The following NTRK2 variants were observed in gnomAD, a reference collection of about 807,000 sequenced individuals.
NTRK2 encodes neurotrophic receptor tyrosine kinase 2, also known as BDNF/NT-3 growth factors receptor.
In NTRK2, 13 loss-of-function variants were observed where a neutral mutation model predicts 94.5. That is an observed-to-expected ratio of 0.14 (90% CI 0.09 to 0.22). The LOEUF (loss-of-function observed/expected upper bound fraction) is 0.22, where lower values mean the gene tolerates loss of function less well. Ranked by LOEUF, NTRK2 falls within the 10% of genes least tolerant of loss-of-function variation. The probability of loss-of-function intolerance (pLI) is 1.00; values close to 1 mark genes in which losing one functional copy is unlikely to be tolerated. For missense variants in NTRK2, 639 were observed against 1,071.2 expected (o/e 0.60, Z 5.63); for synonymous variants, 372 against 407.4 (o/e 0.91, Z 1.05).
Position 84,726,541 on chromosome 9 carries a change from C to A in NTRK2, c.854-1113C>A, listed in dbSNP as rs577710583. On this transcript the variant is annotated intron_variant, in intron 8 of 18. Transcript: ENST00000277120. ...ACAACCAAGATAACCAGTGCAGAGACCCCACTCAGAGGGTTTGTCTGTTCC... is the reference window on the plus strand; with the variant it reads ...ACAACCAAGATAACCAGTGCAGAGAACCCACTCAGAGGGTTTGTCTGTTCC... Among the ~76,000 whole-genome samples, 4 of 152,208 alleles carry A rather than the reference C, an allele frequency of 2.6e-5. 1 individual carries two copies. The South Asian group carries it at 8.3e-4, about 32-fold the overall frequency.
intron 17 of NTRK2, among the ~76,000 whole-genome samples, chr9:84,985,856 C>T (rs909485876): frequency 5.9e-5 from 9 of 152,136 alleles, no homozygotes; most frequent in African/African-American, 1.7e-4. Context: ...GTTAGGTGTT[C>T]CTCTGTTCAC....
rs1211748919 is a variant in NTRK2 at position 84,670,739 on chromosome 9, G to C, written c.-10G>C. Reference sequence around the variant, plus strand: ...GGGACAGGCACTCGGGCTGGCACTGGCTGCTAGGGATGTCGTCCTGGATAA... The same window carrying C: ...GGGACAGGCACTCGGGCTGGCACTGCCTGCTAGGGATGTCGTCCTGGATAA... On this transcript the variant is annotated 5_prime_UTR_variant, in exon 2 of 19. Transcript: ENST00000277120. The C allele has an allele frequency of 4.3e-6, 7 of 1,611,636 alleles. No homozygotes were observed. Among genetic ancestry groups the C allele is most frequent in the Non-Finnish European group, 5.9e-6 (7 of 1,179,980 alleles).
chr9:84,871,652 T>G lies in NTRK2; in HGVS notation c.1633+4221T>G. 6.3e-6 allele frequency: 5 copies of G among 790,052 alleles called. No individual in the cohort carries two copies. In the South Asian group the frequency reaches 6.8e-5, roughly 11 times the overall value. 48.9% of individuals were successfully genotyped at this position (790,052 alleles called of 1,614,324 possible). Reference sequence around the variant, plus strand: ...GTGATCAATTATATCCCTTGAAGTATGTTTTCACTATCTGGAGTGATATGA... The same window carrying G: ...GTGATCAATTATATCCCTTGAAGTAGGTTTTCACTATCTGGAGTGATATGA... On this transcript the variant is annotated intron_variant, in intron 14 of 18. Transcript: ENST00000277120.
intron 12 of NTRK2, among the ~76,000 whole-genome samples, chr9:84,803,230 G>A (rs2133418045): frequency 6.6e-6 from 1 of 152,246 alleles, no homozygotes; most frequent in East Asian, 1.9e-4. Flanking sequence ...CTGGGAACAG[G>A]CACTAGAGAA....
In NTRK2 at chr9:84,813,114, A is replaced by G. The variant is rs147870115; in HGVS notation, c.1397-47926A>G. On this transcript the variant is annotated intron_variant, in intron 12 of 18. Transcript: ENST00000277120. ...TGCATTATTGCAGCATTAGAAAAGG[A>G]GAGGTAGCATTTTTGCTGAAATCGG... is the stretch of plus-strand genomic sequence containing the variant. 2.9e-5 allele frequency: 30 copies of G among 1,040,738 alleles called. No individual in the cohort carries two copies. In the East Asian group the frequency reaches 1.5e-3, roughly 52 times the overall value. 64.5% of individuals were successfully genotyped at this position (1,040,738 alleles called of 1,614,324 possible). A position where few individuals can be genotyped will look rare whatever the true frequency, so the allele number is the denominator to read the frequency against.
intron 12 of NTRK2, among the ~76,000 whole-genome samples, chr9:84,763,729 G>C (rs2065796608): frequency 6.6e-6 from 1 of 152,066 alleles, no homozygotes; most frequent in Non-Finnish European, 1.5e-5. Flanking sequence ...TGTAATAACA[G>C]ATATTACCTA....
In NTRK2 at chr9:84,934,267, A is replaced by C; in HGVS notation, c.1739A>C (p.Gln580Pro). 2 of 1,614,068 alleles carry C rather than the reference A, an allele frequency of 1.2e-6. No individual in the cohort carries two copies. The highest frequency in any genetic ancestry group is 1.7e-6 in the Non-Finnish European group (2 of 1,179,926). Residue 580 changes from glutamine (Q) to proline (P), a missense_variant, in exon 15 of 19, where the codon CAG becomes CCG. By Grantham distance (76) the Gln-to-Pro change is moderately conservative (BLOSUM62 -1). Coordinates refer to ENST00000277120, the MANE Select transcript of NTRK2 (RefSeq NM_006180.6). ...GAATGCTATAACCTCTGTCCTGAGCAGGACAAGATCTTGGTGGCAGTGAAG... is the reference window on the plus strand; with the variant it reads ...GAATGCTATAACCTCTGTCCTGAGCCGGACAAGATCTTGGTGGCAGTGAAG... ...LAECYNLCPE[Q>P]DKILVAVKTL...
chr9:84,863,160 A>G (rs2075411629), intron 13 of NTRK2, among the ~76,000 whole-genome samples: 1 of 151,980 alleles, frequency 6.6e-6, no homozygotes, highest in Non-Finnish European at 1.5e-5. Flanking sequence ...AAGAGTACTA[A>G]CCCTTCCCCT....
intron 12 of NTRK2, among the ~76,000 whole-genome samples, chr9:84,766,372 T>A (rs1649023633): frequency 6.6e-6 from 1 of 151,958 alleles, no homozygotes; most frequent in African/African-American, 2.4e-5. Flanking sequence ...ATTTAGGAGT[T>A]TTGTTGTTGT....
chr9:84,975,736 C>T (rs1182069324), intron 17 of NTRK2, among the ~76,000 whole-genome samples: 1 of 150,432 alleles, frequency 6.6e-6, no homozygotes, highest in East Asian at 1.9e-4. Flanking sequence ...TTCTGCCTGT[C>T]AGGGTCTTGG....
intron 14 of NTRK2, among the ~76,000 whole-genome samples, chr9:84,897,395 A>T (rs1310082645): frequency 1.3e-5 from 2 of 152,160 alleles, no homozygotes. Flanking sequence ...TCAGCCTCCC[A>T]AAGTGTTGGA....
chr9:84,753,174 C>CA (rs1028820804), intron 12 of NTRK2, among the ~76,000 whole-genome samples: 2 of 152,002 alleles, frequency 1.3e-5, no homozygotes, highest in African/African-American at 2.4e-5. Flanking sequence ...TAAAATAACT[C>CA]AAAAAACCTC....
intron 14 of NTRK2, among the ~76,000 whole-genome samples, chr9:84,891,125 T>C (rs1319473171): frequency 6.6e-6 from 1 of 152,062 alleles, no homozygotes; most frequent in African/African-American, 2.4e-5. Context: ...CTGTGGCCGA[T>C]AGTTGGTGAT....
intron 17 of NTRK2, among the ~76,000 whole-genome samples, chr9:85,011,949 A>G (rs888016680): frequency 4.7e-5 from 2 of 42,346 alleles, no homozygotes; most frequent in African/African-American, 1.4e-4. Context: ...AGAATCAAAT[A>G]TGTAGAGCAT....
chr9:85,022,026 AT>A lies in NTRK2; in HGVS notation c.*590del. On this transcript the variant is annotated 3_prime_UTR_variant, in exon 19 of 19. Coordinates refer to ENST00000277120, the MANE Select transcript of NTRK2 (RefSeq NM_006180.6). Reference sequence around the variant, plus strand: ...GTTTTTGGATGGCTTAAGCCTGTGTATAAAAAAGAAAACTTGTGTTCAATCT... The same window carrying A: ...GTTTTTGGATGGCTTAAGCCTGTGTAAAAAAAGAAAACTTGTGTTCAATCT... 1 of 234,352 alleles carries A rather than the reference AT, an allele frequency of 4.3e-6. No homozygotes were observed. The highest frequency in any genetic ancestry group is 8.4e-6 in the Non-Finnish European group (1 of 118,858). 14.5% of individuals were successfully genotyped at this position (234,352 alleles called of 1,614,324 possible). A position where few individuals can be genotyped will look rare whatever the true frequency, so the allele number is the denominator to read the frequency against.
chr9:84,842,608 C>G (rs530035193), intron 12 of NTRK2, among the ~76,000 whole-genome samples: 1 of 152,124 alleles, frequency 6.6e-6, no homozygotes, highest in Non-Finnish European at 1.5e-5. Context: ...CAGCAGAAAC[C>G]GGCATGCTCA....
At chr9:84,880,640 G>A (rs2076227216) in intron 14 of NTRK2, among the ~76,000 whole-genome samples, 1 of 152,216 alleles carries the variant, frequency 6.6e-6, no homozygotes, top group African/African-American at 2.4e-5. Flanking sequence ...CATAAAGTCA[G>A]GAGATATCAA....
In NTRK2 at chr9:84,877,763, A is replaced by G. The variant is rs1237859089; in HGVS notation, c.1633+10332A>G. ...CTCCAGGGCTTGCCCACGTGTATGT[A>G]TGAGTGACCAATGGAGCTTGGAATT... On this transcript the variant is annotated intron_variant, in intron 14 of 18. Coordinates refer to ENST00000277120, the MANE Select transcript of NTRK2 (RefSeq NM_006180.6). The G allele has an allele frequency of 7.6e-6, 8 of 1,055,840 alleles. No individual in the cohort carries two copies. The African/African-American group carries it at 8.3e-5, about 11-fold the overall frequency. The allele number at this position is 1,055,840 out of a possible 1,614,324, so 65.4% of individuals were successfully genotyped here. A position where few individuals can be genotyped will look rare whatever the true frequency, so the allele number is the denominator to read the frequency against.
At chr9:84,712,116 A>G (rs970731412) in intron 6 of NTRK2, among the ~76,000 whole-genome samples, 6 of 152,138 alleles carry the variant, frequency 3.9e-5, no homozygotes, top group African/African-American at 1.4e-4. Flanking sequence ...TTGTGGCCAC[A>G]TTGGTTCAGC....
Sources: gnomAD v4.1 joint callset for allele counts (sites outside exome capture counted in the v4.1 genomes callset) on GRCh38, gnomAD v4.1.1 for gene constraint, MANE v1.5 for transcripts, NCBI Gene and HGNC (gene_info 2026-07-23, HGNC 2026-07-21) for gene names.